TSPAN17: variants seen among roughly 807,000 people sequenced by gnomAD.
TSPAN17 encodes tetraspanin-17.
TSPAN17 carries 33 observed loss-of-function variants against 40.5 expected under a neutral mutation model. The observed-to-expected ratio is 0.81, with a 90% CI of 0.62 to 1.09. The LOEUF (loss-of-function observed/expected upper bound fraction) is 1.09, where lower values mean the gene tolerates loss of function less well. Ranked by LOEUF, TSPAN17 falls within the 50% of genes least tolerant of loss-of-function variation. The probability of loss-of-function intolerance (pLI) is 0.00; values close to 1 mark genes in which losing one functional copy is unlikely to be tolerated. For synonymous variants in TSPAN17, 166 were observed against 169.4 expected (o/e 0.98, Z 0.15); for missense variants, 365 against 416.8 (o/e 0.88, Z 1.08).
At chr5:176,653,731 T>G (rs1761051353) in intron 4 of TSPAN17, 2 of 151,848 alleles carry the variant, frequency 1.3e-5, no homozygotes. Flanking sequence ...AGCTGGTGCC[T>G]GCTTCAAGCA....
rs566665633 is a variant in TSPAN17, at chr5:176,654,203, G to A, written c.457-692G>A. On this transcript the variant is annotated intron_variant, in intron 4 of 8. Coordinates refer to ENST00000508164, the MANE Select transcript of TSPAN17 (RefSeq NM_130465.5). The surrounding 1 kb of genome is among the most constrained non-coding windows in gnomAD (Gnocchi z 4.3). ...CCTGACTCCTCCAGCTCTCTGGCTCGGCCACGGGGCCTGCCTGTGTCTGCT... is the reference window on the plus strand; with the variant it reads ...CCTGACTCCTCCAGCTCTCTGGCTCAGCCACGGGGCCTGCCTGTGTCTGCT... 801 of 152,726 alleles carry A rather than the reference G, an allele frequency of 5.2e-3. 2 individuals are homozygous for A. Among genetic ancestry groups the A allele is most frequent in the Non-Finnish European group, 8.0e-3 (548 of 68,104 alleles). The allele number at this position is 152,726 out of a possible 1,614,324, so 9.5% of individuals were successfully genotyped here. A position where few individuals can be genotyped will look rare whatever the true frequency, so the allele number is the denominator to read the frequency against.
At chr5:176,649,726 C>T (rs539387986) in intron 1 of TSPAN17, among the ~76,000 whole-genome samples, 4 of 152,344 alleles carry the variant, frequency 2.6e-5, no homozygotes, top group African/African-American at 7.2e-5. Context: ...CACGCCCGGC[C>T]ATCCTGCTCG....
chr5:176,649,233 G>GGTAGGTGGGAAAGGTGAGGA (rs2113459954), intron 1 of TSPAN17, among the ~76,000 whole-genome samples: 1 of 151,698 alleles, frequency 6.6e-6, no homozygotes, highest in East Asian at 1.9e-4. Context: ...AAAGGTGAGG[G>GGTAGGTGGGAAAGGTGAGGA]AGGTTGCTGG....
rs776486822 is a variant in TSPAN17 at position 176,654,917 on chromosome 5, G to A, written c.479G>A (p.Gly160Asp). Residue 160 changes from glycine to aspartate, a missense_variant, in exon 5 of 9, where the codon GGC becomes GAC. Coordinates refer to ENST00000508164, the MANE Select transcript of TSPAN17 (RefSeq NM_130465.5). The surrounding 1 kb of genome is among the most constrained non-coding windows in gnomAD (Gnocchi z 4.3). ...CAGTGGTCTTGCTGCGGAGCCCGAG[G>A]CCCCAATGACTGGAACCTCAATATC... Reference protein sequence around the residue: ...QEYWSCCGARGPNDWNLNIYF... With the variant: ...QEYWSCCGARDPNDWNLNIYF... 1 of 1,613,966 alleles carries A rather than the reference G, an allele frequency of 6.2e-7. No individual in the cohort carries two copies. Among genetic ancestry groups the A allele is most frequent in the East Asian group, 2.2e-5 (1 of 44,886 alleles).
In TSPAN17 at chr5:176,651,486, C is replaced by T; in HGVS notation, c.88-130C>T. On this transcript the variant is annotated intron_variant, in intron 1 of 8. Transcript: ENST00000508164. This position sits in a 1 kb window ranked among gnomAD's most constrained non-coding sequence, Gnocchi z 4.5. ...TGTTCTTGGGAAGATGGAAAGGACC[C>T]CGGATCCCGTTCACAGCCCTTGTGC... The T allele has an allele frequency of 2.0e-6, 2 of 982,344 alleles. No individual in the cohort carries two copies. The highest frequency in any genetic ancestry group is 2.9e-6 in the Non-Finnish European group (2 of 681,116). The allele number at this position is 982,344 out of a possible 1,614,324, so 60.9% of individuals were successfully genotyped here.
Position 176,648,136 on chromosome 5 carries a change from T to G in TSPAN17, c.87+434T>G, listed in dbSNP as rs1760817736. Reference sequence around the variant, plus strand: ...GAGCCGCCAGGCCCCTTCCCCGGCCTCCTTTCCCTTCCAGTAGTACCTGGG... The same window carrying G: ...GAGCCGCCAGGCCCCTTCCCCGGCCGCCTTTCCCTTCCAGTAGTACCTGGG... On this transcript the variant is annotated intron_variant, in intron 1 of 8. Coordinates refer to ENST00000508164, the MANE Select transcript of TSPAN17 (RefSeq NM_130465.5). 2.0e-5 allele frequency among the ~76,000 whole-genome samples: 3 copies of G among 152,142 alleles called. No homozygotes were observed. The South Asian group carries it at 6.2e-4, about 31-fold the overall frequency.
intron 5 of TSPAN17, 139 bp from the exon 6 acceptor site, chr5:176,655,939 A>T: frequency 1.3e-6 from 1 of 775,690 alleles, no homozygotes; most frequent in African/African-American, 1.7e-5. Context: ...AGAGAGGCTC[A>T]CTTAAGACTG....
At chr5:176,656,406 G>T (rs1761158613) in intron 6 of TSPAN17, among the ~76,000 whole-genome samples, 1 of 152,220 alleles carries the variant, frequency 6.6e-6, no homozygotes, top group South Asian at 2.1e-4. Context: ...CTCTGGAGGA[G>T]TGGAGGGAGA....
At position 176,647,587 on chromosome 5, in the gene TSPAN17, G is replaced by T. The variant is rs1475926414; in HGVS notation, c.-29G>T. ...GCGCTGGGCCTGGCTCCCGGCTCCGGTTTCCGGGCCGGCGGGTGGCCGCTC... is the reference window on the plus strand; with the variant it reads ...GCGCTGGGCCTGGCTCCCGGCTCCGTTTTCCGGGCCGGCGGGTGGCCGCTC... On this transcript the variant is annotated 5_prime_UTR_variant, in exon 1 of 9. Coordinates refer to ENST00000508164, the MANE Select transcript of TSPAN17 (RefSeq NM_130465.5). The T allele has an allele frequency of 6.4e-7, 1 of 1,558,506 alleles. No individual in the cohort carries two copies. The highest frequency in any genetic ancestry group is 8.7e-7 in the Non-Finnish European group (1 of 1,154,696).
rs547550745 is a variant in TSPAN17 at position 176,650,826 on chromosome 5, C to A, written c.88-790C>A. On this transcript the variant is annotated intron_variant, in intron 1 of 8. Coordinates refer to ENST00000508164, the MANE Select transcript of TSPAN17 (RefSeq NM_130465.5). The surrounding 1 kb of genome is among the most constrained non-coding windows in gnomAD (Gnocchi z 4.0). Reference sequence around the variant, plus strand: ...CAGCCTTTCCCCCTCTGAGACTGCACGCCCAGGGACCTGCCCAGGGTCAGG... The same window carrying A: ...CAGCCTTTCCCCCTCTGAGACTGCAAGCCCAGGGACCTGCCCAGGGTCAGG... Among the ~76,000 whole-genome samples, 9 of 152,156 alleles carry A rather than the reference C, an allele frequency of 5.9e-5. No individual in the cohort carries two copies. The South Asian group carries it at 6.2e-4, about 10-fold the overall frequency.
In TSPAN17 at chr5:176,651,385, C is replaced by A. The variant is rs2113465001; in HGVS notation, c.88-231C>A. On this transcript the variant is annotated intron_variant, in intron 1 of 8. Transcript: ENST00000508164. This position sits in a 1 kb window ranked among gnomAD's most constrained non-coding sequence, Gnocchi z 4.5. ...CCAATTTGGAGTTCCAGGAAGGGGC[C>A]CCTGATGTCCATCCCAAGGCTAGCA... Among the ~76,000 whole-genome samples, 1 of 152,270 alleles carries A rather than the reference C, an allele frequency of 6.6e-6. No homozygotes were observed. The highest frequency in any genetic ancestry group is 2.1e-4 in the South Asian group (1 of 4,828).
intron 6 of TSPAN17, 154 bp downstream of exon 6, chr5:176,656,279 G>T (rs1761154926): frequency 3.7e-6 from 3 of 800,324 alleles, no homozygotes; most frequent in Non-Finnish European, 6.1e-6. Flanking sequence ...AGCGGAGGGG[G>T]AGTAGACCCC....
At chr5:176,656,250 A>G in intron 6 of TSPAN17, 125 bp downstream of exon 6, 7 of 1,017,752 alleles carry the variant, frequency 6.9e-6, no homozygotes, top group Non-Finnish European at 1.0e-5. Flanking sequence ...AGTCCCAGGA[A>G]CCAGCCAGAC....
At chr5:176,656,529 G>A (rs986697407) in intron 6 of TSPAN17, among the ~76,000 whole-genome samples, 171 bp from the exon 7 acceptor site, 5 of 152,220 alleles carry the variant, frequency 3.3e-5, no homozygotes, top group African/African-American at 1.2e-4. Flanking sequence ...GGCAGGAGGG[G>A]GCGTGCATCT....
At position 176,647,591 on chromosome 5, in the gene TSPAN17, C is replaced by T. The variant is rs1422045367; in HGVS notation, c.-25C>T. 3 of 1,562,282 alleles carry T rather than the reference C, an allele frequency of 1.9e-6. No homozygotes were observed. The highest frequency in any genetic ancestry group is 2.6e-6 in the Non-Finnish European group (3 of 1,156,668). On this transcript the variant is annotated 5_prime_UTR_variant, in exon 1 of 9. Coordinates refer to ENST00000508164, the MANE Select transcript of TSPAN17 (RefSeq NM_130465.5). ...TGGGCCTGGCTCCCGGCTCCGGTTTCCGGGCCGGCGGGTGGCCGCTCACCA... is the reference window on the plus strand; with the variant it reads ...TGGGCCTGGCTCCCGGCTCCGGTTTTCGGGCCGGCGGGTGGCCGCTCACCA...
intron 1 of TSPAN17, among the ~76,000 whole-genome samples, chr5:176,649,783 G>A (rs749720678): frequency 7.2e-5 from 11 of 152,184 alleles, no homozygotes; most frequent in Non-Finnish European, 1.5e-4. Flanking sequence ...AGGGCCCCGC[G>A]GGGCCGGGCT....
At chr5:176,657,366 G>C (rs1014610108) in intron 8 of TSPAN17, 152 bp from the exon 9 acceptor site, 1 of 1,340,536 alleles carries the variant, frequency 7.5e-7, no homozygotes, top group Non-Finnish European at 1.0e-6. Context: ...GTAGCTGTAT[G>C]GGGCGCGTTG....
chr5:176,653,280 T>G (rs538541427), intron 4 of TSPAN17: 1 of 201,636 alleles, frequency 5.0e-6, no homozygotes, highest in South Asian at 1.0e-4. Context: ...CTGCTGCCCC[T>G]TCACTGGTAC....
chr5:176,649,131 G>T (rs1760862177), intron 1 of TSPAN17, among the ~76,000 whole-genome samples: 1 of 152,106 alleles, frequency 6.6e-6, no homozygotes. Flanking sequence ...GAGACCGCTT[G>T]CCTGGCTGCT....
Sources: allele counts gnomAD v4.1 joint callset (sites outside exome capture counted in the v4.1 genomes callset), GRCh38; gene constraint gnomAD v4.1.1; non-coding constraint Gnocchi (gnomAD v3.1); transcripts MANE v1.5; gene names NCBI Gene and HGNC (gene_info 2026-07-23, HGNC 2026-07-21).